The following NALF1 variants were observed in gnomAD, a reference collection of about 807,000 sequenced individuals.
NALF1 encodes family with sequence similarity 155 member A.
In NALF1, 3 loss-of-function variants were observed where a neutral mutation model predicts 48.4. The observed-to-expected ratio is 0.06, with a 90% CI of 0.03 to 0.16. NALF1 has a LOEUF of 0.16. Among genes scored for constraint, NALF1 ranks in the 10% least tolerant of loss-of-function variants. The pLI is 1.00. For synonymous variants in NALF1, 262 were observed against 245.7 expected, an observed-to-expected ratio of 1.07 and a Z score of -0.62; for missense variants, 526 against 571.5, an observed-to-expected ratio of 0.92 and a Z score of 0.81.
intron 1 of NALF1, among the ~76,000 whole-genome samples, chr13:107,221,684 T>A (rs542224554): frequency 6.6e-6 from 1 of 152,288 alleles, no homozygotes; most frequent in South Asian, 2.1e-4. Flanking sequence ...TTATTCTAAT[T>A]TATGAATATG....
At chr13:107,173,173 A>G (rs1050248748) in intron 2 of NALF1, among the ~76,000 whole-genome samples, 1 of 152,232 alleles carries the variant, frequency 6.6e-6, no homozygotes, top group Non-Finnish European at 1.5e-5. Flanking sequence ...TCTGAGAATA[A>G]CATGTTTTAT....
chr13:107,322,147 A>G (rs1227920838), intron 1 of NALF1, among the ~76,000 whole-genome samples: 1 of 152,126 alleles, frequency 6.6e-6, no homozygotes, highest in Non-Finnish European at 1.5e-5. Flanking sequence ...TGTGAATCCA[A>G]CCTTCTTTTG....
intron 1 of NALF1, among the ~76,000 whole-genome samples, chr13:107,721,256 T>C (rs2138527579): frequency 6.6e-6 from 1 of 152,240 alleles, no homozygotes. Context: ...TTAATACATG[T>C]AAAAATGATA....
intron 1 of NALF1, among the ~76,000 whole-genome samples, chr13:107,721,543 T>G (rs1386648378): frequency 1.3e-5 from 2 of 152,208 alleles, no homozygotes; most frequent in Non-Finnish European, 2.9e-5. Context: ...GTAGTGCAAA[T>G]CTGGCTTTCT....
At chr13:107,243,628 T>A (rs1880521446) in intron 1 of NALF1, among the ~76,000 whole-genome samples, 1 of 152,172 alleles carries the variant, frequency 6.6e-6, no homozygotes, top group Non-Finnish European at 1.5e-5. Flanking sequence ...AATAAATGAG[T>A]TGTGCATCTG....
chr13:107,318,957 A>G (rs1301649186), intron 1 of NALF1, among the ~76,000 whole-genome samples: 1 of 152,124 alleles, frequency 6.6e-6, no homozygotes, highest in Admixed American at 6.6e-5. Context: ...TTGTTTTTCC[A>G]AGACTCATCT....
intron 1 of NALF1, among the ~76,000 whole-genome samples, chr13:107,213,463 C>T (rs1362224717): frequency 6.6e-6 from 1 of 152,052 alleles, no homozygotes; most frequent in Non-Finnish European, 1.5e-5. Flanking sequence ...AATGAATATT[C>T]CTCATTTGAG....
chr13:107,592,587 T>C (rs1421528061), intron 1 of NALF1, among the ~76,000 whole-genome samples: 2 of 151,896 alleles, frequency 1.3e-5, no homozygotes, highest in Admixed American at 6.6e-5. Context: ...AAAAAATAGA[T>C]AACTTTATTT....
chr13:107,504,253 A>G, intron 1 of NALF1, among the ~76,000 whole-genome samples: 1 of 143,152 alleles, frequency 7.0e-6, no homozygotes, highest in East Asian at 2.4e-4. Context: ...CCTATCTCAA[A>G]AAAAAAAAAA....
At chr13:107,474,741 T>C (rs1885152750) in intron 1 of NALF1, among the ~76,000 whole-genome samples, 1 of 152,106 alleles carries the variant, frequency 6.6e-6, no homozygotes, top group Admixed American at 6.5e-5. Context: ...CGTATATGGG[T>C]AGAGACAGAT....
intron 1 of NALF1, among the ~76,000 whole-genome samples, chr13:107,840,604 G>T (rs1174187211): frequency 6.6e-6 from 1 of 152,184 alleles, no homozygotes; most frequent in African/African-American, 2.4e-5. Flanking sequence ...AGTGTACTTG[G>T]TCTCACTGAC....
At chr13:107,793,199 T>A (rs944532025) in intron 1 of NALF1, among the ~76,000 whole-genome samples, 1 of 152,166 alleles carries the variant, frequency 6.6e-6, no homozygotes, top group Non-Finnish European at 1.5e-5. Flanking sequence ...CTCAAAGTGA[T>A]CCAGTTTATT....
intron 1 of NALF1, among the ~76,000 whole-genome samples, chr13:107,456,673 T>C (rs1884829976): frequency 6.6e-6 from 1 of 152,210 alleles, no homozygotes; most frequent in Admixed American, 6.5e-5. Flanking sequence ...AAATTTCTTA[T>C]CAGTTTTATT....
At chr13:107,686,992 C>A (rs559679328) in intron 1 of NALF1, among the ~76,000 whole-genome samples, 1 of 152,164 alleles carries the variant, frequency 6.6e-6, no homozygotes, top group Non-Finnish European at 1.5e-5. Context: ...CAAAAAGTCA[C>A]CTGCAATCCT....
At chr13:107,337,193 T>G (rs1882577444) in intron 1 of NALF1, among the ~76,000 whole-genome samples, 1 of 151,954 alleles carries the variant, frequency 6.6e-6, no homozygotes, top group South Asian at 2.1e-4. Context: ...CTATAACTGG[T>G]TTTTAAAAAG....
At chr13:107,178,044 C>CA (rs534165256) in intron 2 of NALF1, among the ~76,000 whole-genome samples, 3,144 of 141,042 alleles carry the variant, frequency 0.022, 109 homozygotes, top group African/African-American at 0.072. Flanking sequence ...AAGACTGTCT[C>CA]AAAAAAAAAA....
intron 1 of NALF1, among the ~76,000 whole-genome samples, chr13:107,431,959 A>C (rs1884389278): frequency 6.6e-6 from 1 of 152,102 alleles, no homozygotes; most frequent in South Asian, 2.1e-4. Flanking sequence ...CCTTTTTATC[A>C]ATATATTTTC....
chr13:107,201,373 G>A (rs773965547), intron 2 of NALF1, among the ~76,000 whole-genome samples: 7 of 152,114 alleles, frequency 4.6e-5, no homozygotes, highest in African/African-American at 1.2e-4. Flanking sequence ...TCAGGAGATC[G>A]AGACCAGCCT....
intron 1 of NALF1, among the ~76,000 whole-genome samples, chr13:107,827,812 A>C (rs942121574): frequency 1.1e-4 from 16 of 152,218 alleles, no homozygotes; most frequent in Non-Finnish European, 2.1e-4. Context: ...CTGAATTGAA[A>C]AACAGTGGTA....
Sources: gnomAD v4.1 joint callset for allele counts (sites outside exome capture counted in the v4.1 genomes callset) on GRCh38, gnomAD v4.1.1 for gene constraint, MANE v1.5 for transcripts, NCBI Gene and HGNC (gene_info 2026-07-23, HGNC 2026-07-21) for gene names.